Variants in TNS1 observed in about 807,000 individuals in gnomAD.
The protein encoded by TNS1 is tensin-1.
TNS1 carries 62 observed loss-of-function variants against 168.6 expected under a neutral mutation model. The observed-to-expected ratio is 0.37, with a 90% confidence interval of 0.30 to 0.45. The LOEUF (loss-of-function observed/expected upper bound fraction) is 0.45. Ranked by LOEUF, TNS1 falls within the 20% of genes least tolerant of loss-of-function variation. The pLI is 1.00. For missense variants in TNS1, 2,240 were observed against 2,339.4 expected (o/e 0.96, Z 0.88); for synonymous variants, 934 against 933.2 (o/e 1.00, Z -0.02).
chr2:217,870,766 G>A (rs188749372), intron 18 of TNS1, among the ~76,000 whole-genome samples: 32 of 152,310 alleles, frequency 2.1e-4, no homozygotes, highest in Middle Eastern at 3.4e-3. Flanking sequence ...TGTTCCATGG[G>A]CAGAGGCTGC....
At position 217,800,542 on chromosome 2, in the gene TNS1, C is replaced by A. The variant is rs1937327358; in HGVS notation, c.*3917G>T. The stretch of plus-strand genomic sequence containing the variant: ...TAAAGAAATGAGCAAAACACACGCA[C>A]ACACATACATCCACACTTGCACATG... On this transcript the variant is annotated 3_prime_UTR_variant, in exon 33 of 33. Coordinates refer to ENST00000682258, the MANE Select transcript of TNS1 (RefSeq NM_001387777.1). The A allele has an allele frequency of 1.3e-5, 2 of 152,334 alleles. No homozygotes were observed. Among genetic ancestry groups the A allele is most frequent in the Non-Finnish European group, 2.9e-5 (2 of 68,086 alleles). The allele number at this position is 152,334 out of a possible 1,614,324, so 9.4% of individuals were successfully genotyped here. A position where few individuals can be genotyped will look rare whatever the true frequency, so the allele number is the denominator to read the frequency against.
At position 217,880,193 on chromosome 2, in the gene TNS1, A is replaced by G. The variant is rs955475085; in HGVS notation, c.1429+705T>C. 3.3e-5 allele frequency among the ~76,000 whole-genome samples: 5 copies of G among 152,256 alleles called. No homozygotes were observed. Among genetic ancestry groups the G allele is most frequent in the Non-Finnish European group, 7.3e-5 (5 of 68,050 alleles). ...CACGTCTCCTTACACATATGCAGAT[A>G]GACCACATAAATAAATAGAATGCAT... On this transcript the variant is annotated intron_variant, in intron 18 of 32. Coordinates refer to ENST00000682258, the MANE Select transcript of TNS1 (RefSeq NM_001387777.1). This position sits in a 1 kb window ranked among gnomAD's most constrained non-coding sequence, Gnocchi z 4.2.
intron 22 of TNS1, among the ~76,000 whole-genome samples, chr2:217,825,356 C>T (rs1008541339): frequency 2.6e-5 from 4 of 152,144 alleles, no homozygotes; most frequent in African/African-American, 9.7e-5. Context: ...GCCCTGCCCT[C>T]CAGCTCCCTC....
chr2:217,990,153 T>C (rs1314165700), intron 2 of TNS1, among the ~76,000 whole-genome samples: 4 of 85,646 alleles, frequency 4.7e-5, no homozygotes, highest in African/African-American at 9.4e-5. Flanking sequence ...TCAAAACACA[T>C]CATCCACACA....
At chr2:217,933,925 AG>A (rs1357204202) in intron 3 of TNS1, among the ~76,000 whole-genome samples, 1 of 152,194 alleles carries the variant, frequency 6.6e-6, no homozygotes, top group African/African-American at 2.4e-5. Context: ...TTAGGGACAG[AG>A]GTGGTGAGGA....
chr2:217,859,905 T>A (rs144043429), intron 18 of TNS1, among the ~76,000 whole-genome samples: 60 of 152,276 alleles, frequency 3.9e-4, no homozygotes, highest in Non-Finnish European at 7.2e-4. Flanking sequence ...CTTATTAACA[T>A]GTTGTTTGTG....
rs1184106088 is a variant in TNS1, at chr2:217,900,400, G to A, written c.371+63C>T. ...GGGGACCCAGAGGCAAGACTTAACA[G>A]GGACACCCACAGTGACCCCCCTGCT... On this transcript the variant is annotated intron_variant, in intron 7 of 32. Coordinates refer to ENST00000682258, the MANE Select transcript of TNS1 (RefSeq NM_001387777.1). The A allele has an allele frequency of 2.0e-6, 3 of 1,515,322 alleles. No homozygotes were observed. The East Asian group carries it at 7.4e-5, about 37-fold the overall frequency. 93.9% of individuals were successfully genotyped at this position (1,515,322 alleles called of 1,614,324 possible). A position where few individuals can be genotyped will look rare whatever the true frequency, so the allele number is the denominator to read the frequency against.
At chr2:217,902,740 G>A (rs1953161566) in intron 6 of TNS1, among the ~76,000 whole-genome samples, 1 of 152,164 alleles carries the variant, frequency 6.6e-6, no homozygotes, top group African/African-American at 2.4e-5. Flanking sequence ...GGGGAGGGGA[G>A]GCATGGGGAG....
At chr2:217,979,131 C>T (rs145531012) in intron 2 of TNS1, among the ~76,000 whole-genome samples, 67 of 152,248 alleles carry the variant, frequency 4.4e-4, no homozygotes, top group African/African-American at 1.5e-3. Context: ...AGCCCGGACC[C>T]GGGCCCCACG....
At chr2:217,884,580 AG>A (rs1951016227) in intron 16 of TNS1, among the ~76,000 whole-genome samples, 1 of 152,134 alleles carries the variant, frequency 6.6e-6, no homozygotes, top group African/African-American at 2.4e-5. Context: ...ATCCCCTGCT[AG>A]TCTGCCTCCC....
intron 4 of TNS1, among the ~76,000 whole-genome samples, chr2:217,914,031 C>T (rs1240110880): frequency 2.7e-5 from 4 of 149,834 alleles, no homozygotes; most frequent in Admixed American, 1.3e-4. Context: ...CAAGGTCCTA[C>T]GCCCTTTCTG....
chr2:217,893,664 G>A (rs527512930), intron 9 of TNS1, 103 bp from the exon 10 acceptor site: 247 of 1,455,892 alleles, frequency 1.7e-4, no homozygotes, highest in East Asian at 1.0e-3. Context: ...GCAGTGGCCC[G>A]CAGCTGCTGG....
intron 13 of TNS1, among the ~76,000 whole-genome samples, 199 bp downstream of exon 13, chr2:217,886,335 A>G (rs1487724000): frequency 6.6e-6 from 1 of 152,252 alleles, no homozygotes; most frequent in African/African-American, 2.4e-5. Context: ...CCCATCCAAC[A>G]TCATTGGCCA....
chr2:218,013,786 T>C (rs1386570864), upstream of TNS1, among the ~76,000 whole-genome samples: 1 of 152,032 alleles, frequency 6.6e-6, no homozygotes, highest in African/African-American at 2.4e-5. Flanking sequence ...GGAGGAGGAA[T>C]GACTTCTCCA....
intron 19 of TNS1, 93 bp downstream of exon 19, chr2:217,847,417 C>T (rs1946803068): frequency 8.2e-7 from 1 of 1,220,064 alleles, no homozygotes; most frequent in African/African-American, 1.5e-5. Flanking sequence ...GTGAAAGCAA[C>T]ATCTGCTTAG....
Position 218,031,457 on chromosome 2 carries a change from CTG to C in TNS1, c.156+2361_156+2362del, listed in dbSNP as rs201973022. Among the ~76,000 whole-genome samples the C allele has an allele frequency of 1.7e-4, 22 of 132,304 alleles. No homozygotes were observed. In the East Asian group the frequency reaches 2.6e-3, roughly 16 times the overall value. The allele number at this position is 132,304 out of a possible 152,430, so 86.8% of individuals were successfully genotyped here. Reference sequence around the variant, plus strand: ...TGTGTGCATGTGTGTATGAGCATGTCTGTGTGTGTGAGTGTATGAGTGTGTGT... The same window carrying C: ...TGTGTGCATGTGTGTATGAGCATGTCTGTGTGTGAGTGTATGAGTGTGTGT... On this transcript the variant is annotated intron_variant, in intron 1 of 1. Coordinates refer to the TNS1 transcript ENST00000649572.
chr2:217,881,045 G>A (rs765231832), intron 17 of TNS1, 31 bp from the exon 18 acceptor site: 56 of 1,490,242 alleles, frequency 3.8e-5, no homozygotes, highest in East Asian at 4.5e-5. Context: ...AGCGGCAGTC[G>A]GGGAGACAGT....
intron 9 of TNS1, 133 bp from the exon 10 acceptor site, chr2:217,893,694 C>T: frequency 1.5e-6 from 2 of 1,308,140 alleles, no homozygotes; most frequent in Admixed American, 2.4e-5. Context: ...GGACTTGGTT[C>T]CTCCCTGCCC....
intron 1 of TNS1, among the ~76,000 whole-genome samples, chr2:218,029,884 T>C (rs887531092): frequency 1.3e-5 from 2 of 152,186 alleles, no homozygotes; most frequent in African/African-American, 4.8e-5. Context: ...CACTTTTCTG[T>C]GTTTAGGAAA....
Sources: allele counts gnomAD v4.1 joint callset (sites outside exome capture counted in the v4.1 genomes callset), GRCh38; gene constraint gnomAD v4.1.1; non-coding constraint Gnocchi (gnomAD v3.1); transcripts MANE v1.5; gene names NCBI Gene and HGNC (gene_info 2026-07-23, HGNC 2026-07-21).